ZNF804B: variants seen among roughly 807,000 people sequenced by gnomAD.
ZNF804B encodes the protein zinc finger protein 804B, also known as zinc finger 804B.
Under a neutral mutation model 101.4 loss-of-function variants are expected in ZNF804B, and 80 were observed. The observed-to-expected ratio is 0.79, with a 90% CI of 0.66 to 0.95. ZNF804B has a LOEUF of 0.95. ZNF804B is among the 40% of genes least tolerant of loss of function. The pLI is 0.00. For missense variants in ZNF804B, 1,673 were observed against 1,561.9 expected, an observed-to-expected ratio of 1.07 and a Z score of -1.20; for synonymous variants, 622 against 558.8, an observed-to-expected ratio of 1.11 and a Z score of -1.59.
chr7:89,009,945 C>A (rs565978286), intron 1 of ZNF804B, among the ~76,000 whole-genome samples: 12 of 152,292 alleles, frequency 7.9e-5, no homozygotes, highest in East Asian at 1.9e-4. Context: ...ATTCCCTATA[C>A]ACATTTTTAC....
intron 1 of ZNF804B, among the ~76,000 whole-genome samples, chr7:89,082,818 G>A (rs1335019913): frequency 2.0e-5 from 3 of 151,750 alleles, no homozygotes; most frequent in African/African-American, 7.2e-5. Flanking sequence ...ATCTAAATAA[G>A]TGTAAAAATG....
chr7:89,019,589 C>T (rs929414133), intron 1 of ZNF804B, among the ~76,000 whole-genome samples: 17 of 151,920 alleles, frequency 1.1e-4, no homozygotes, highest in Non-Finnish European at 2.5e-4. Context: ...GGTTGAAGTT[C>T]CTATTACTGT....
intron 1 of ZNF804B, among the ~76,000 whole-genome samples, chr7:88,902,438 A>G (rs1330145678): frequency 1.3e-5 from 2 of 152,012 alleles, no homozygotes; most frequent in Non-Finnish European, 2.9e-5. Flanking sequence ...AAAAATTGGT[A>G]ATTTATTTGG....
chr7:89,064,365 A>G (rs1789420702), intron 1 of ZNF804B, among the ~76,000 whole-genome samples: 1 of 152,176 alleles, frequency 6.6e-6, no homozygotes, highest in Non-Finnish European at 1.5e-5. Context: ...CTTCCTTGAC[A>G]AGGAAGCTGC....
chr7:89,211,269 A>G (rs1451156631), intron 1 of ZNF804B, among the ~76,000 whole-genome samples: 1 of 152,174 alleles, frequency 6.6e-6, no homozygotes, highest in East Asian at 1.9e-4. Flanking sequence ...ATAGATTGCA[A>G]AAATTTTCTC....
At chr7:89,034,160 C>G (rs10278716) in intron 1 of ZNF804B, among the ~76,000 whole-genome samples, 47,212 of 151,910 alleles carry the variant, frequency 0.31, 7,710 homozygotes, top group East Asian at 0.53. Flanking sequence ...TTATTGAGTA[C>G]TGCATATATT....
At chr7:89,016,591 G>T (rs950217037) in intron 1 of ZNF804B, among the ~76,000 whole-genome samples, 5 of 149,452 alleles carry the variant, frequency 3.3e-5, no homozygotes, top group East Asian at 4.0e-4. Flanking sequence ...TTATTAAATA[G>T]GGAATCCTTT....
chr7:89,326,605 T>C (rs1326895983), intron 2 of ZNF804B, among the ~76,000 whole-genome samples: 1 of 152,080 alleles, frequency 6.6e-6, no homozygotes, highest in Non-Finnish European at 1.5e-5. Flanking sequence ...GTTCATTTGA[T>C]TTTGGCTGTT....
intron 1 of ZNF804B, among the ~76,000 whole-genome samples, chr7:88,761,718 G>T (rs1220797764): frequency 6.6e-6 from 1 of 152,164 alleles, no homozygotes; most frequent in Non-Finnish European, 1.5e-5. Context: ...ATTGGGTAGG[G>T]CATTGTACTG....
At chr7:89,129,371 G>C (rs1790513851) in intron 1 of ZNF804B, among the ~76,000 whole-genome samples, 1 of 151,972 alleles carries the variant, frequency 6.6e-6, no homozygotes, top group Admixed American at 6.6e-5. Context: ...TCAATGCTCA[G>C]TTTAAGAAAT....
intron 1 of ZNF804B, among the ~76,000 whole-genome samples, chr7:88,806,242 G>A (rs985650190): frequency 6.6e-6 from 1 of 152,038 alleles, no homozygotes; most frequent in African/African-American, 2.4e-5. Flanking sequence ...ATTAGTTTCA[G>A]AGTCAAATAT....
intron 1 of ZNF804B, among the ~76,000 whole-genome samples, chr7:89,044,209 C>G (rs1385838526): frequency 6.6e-6 from 1 of 152,150 alleles, no homozygotes; most frequent in East Asian, 1.9e-4. Flanking sequence ...GCTTTTCCCT[C>G]TTTGCTCAAC....
At chr7:89,236,544 C>A (rs1789284199) in intron 2 of ZNF804B, among the ~76,000 whole-genome samples, 1 of 152,048 alleles carries the variant, frequency 6.6e-6, no homozygotes, top group Non-Finnish European at 1.5e-5. Context: ...ATCTGATGCA[C>A]ATGTGACATT....
intron 1 of ZNF804B, among the ~76,000 whole-genome samples, chr7:88,930,547 A>C (rs911314755): frequency 6.6e-6 from 1 of 151,984 alleles, no homozygotes; most frequent in Non-Finnish European, 1.5e-5. Flanking sequence ...GCTTCAAATT[A>C]TGTCTCTTAA....
chr7:89,247,017 T>TC (rs1789459280), intron 2 of ZNF804B, among the ~76,000 whole-genome samples: 1 of 152,022 alleles, frequency 6.6e-6, no homozygotes, highest in Admixed American at 6.5e-5. Flanking sequence ...AGGGGGCTCC[T>TC]CTCCACTACA....
intron 1 of ZNF804B, among the ~76,000 whole-genome samples, chr7:89,068,521 T>TA (rs1372552681): frequency 6.6e-6 from 1 of 152,160 alleles, no homozygotes; most frequent in Non-Finnish European, 1.5e-5. Context: ...ACATGATGTT[T>TA]AAAAAAGTTA....
intron 1 of ZNF804B, among the ~76,000 whole-genome samples, chr7:89,085,862 G>T (rs561857743): frequency 2.6e-5 from 4 of 151,896 alleles, no homozygotes; most frequent in African/African-American, 7.2e-5. Flanking sequence ...AGATTTAATG[G>T]GTTATCTTCC....
intron 1 of ZNF804B, among the ~76,000 whole-genome samples, chr7:88,834,774 A>ATTCAATCTCC: frequency 6.6e-6 from 1 of 151,744 alleles, no homozygotes; most frequent in South Asian, 2.1e-4. Context: ...ATTTTTCGCC[A>ATTCAATCTCC]TTCAATCTCC....
chr7:88,956,522 T>G (rs2116080371), intron 1 of ZNF804B, among the ~76,000 whole-genome samples: 1 of 151,484 alleles, frequency 6.6e-6, no homozygotes, highest in South Asian at 2.1e-4. Context: ...ATTTCAAAAT[T>G]TTAGTTTTAT....
Sources: gnomAD v4.1 joint callset for allele counts (sites outside exome capture counted in the v4.1 genomes callset) on GRCh38, gnomAD v4.1.1 for gene constraint, MANE v1.5 for transcripts, NCBI Gene and HGNC (gene_info 2026-07-23, HGNC 2026-07-21) for gene names.